Variants in PAH observed in about 807,000 individuals in gnomAD.
PAH encodes the protein phenylalanine-4-hydroxylase.
A neutral mutation model predicts 62.0 loss-of-function variants in PAH; 64 were observed. The ratio of observed to expected loss-of-function variants is 1.03; its 90% CI spans 0.84 to 1.27. The LOEUF is 1.27. Among genes scored for constraint, PAH ranks in the 50% most tolerant of loss-of-function variants. PAH has a pLI of 0.00. For missense variants in PAH, 579 were observed against 542.8 expected (o/e 1.07, Z -0.66); for synonymous variants, 195 against 196.2 (o/e 0.99, Z 0.05).
intron 1 of PAH, among the ~76,000 whole-genome samples, chr12:102,932,243 C>T (rs1262610159): frequency 2.0e-5 from 3 of 152,214 alleles, no homozygotes; most frequent in African/African-American, 7.2e-5. Context: ...TACAGGGCCT[C>T]TGCTCTTCCC....
intron 1 of PAH, among the ~76,000 whole-genome samples, chr12:102,935,941 T>A (rs935136865): frequency 6.6e-6 from 1 of 151,926 alleles, no homozygotes; most frequent in African/African-American, 2.4e-5. Context: ...TTTTGTTTGC[T>A]CTTGTTTTTC....
At chr12:102,854,448 G>A (rs1875316381) in intron 6 of PAH, among the ~76,000 whole-genome samples, 1 of 152,176 alleles carries the variant, frequency 6.6e-6, no homozygotes, top group African/African-American at 2.4e-5. Flanking sequence ...CATTTCACCT[G>A]GATATACTGT....
chr12:102,868,022 ATATACATGTATATACACCTATATATATG>A (rs1876084092), intron 4 of PAH, among the ~76,000 whole-genome samples: 1 of 139,772 alleles, frequency 7.2e-6, no homozygotes, highest in African/African-American at 2.7e-5. Flanking sequence ...ATATATACAT[ATATACATGTATATACACCTATATATATG>A]TATATATATA....
chr12:102,852,700 G>T, intron 7 of PAH, 115 bp downstream of exon 7: 2 of 1,300,922 alleles, frequency 1.5e-6, no homozygotes, highest in Non-Finnish European at 2.2e-6. Context: ...CCAGCAAACA[G>T]TCTAGACAAC....
At chr12:102,928,686 G>T (rs1409608819) in intron 1 of PAH, among the ~76,000 whole-genome samples, 4 of 152,090 alleles carry the variant, frequency 2.6e-5, no homozygotes, top group African/African-American at 9.7e-5. Context: ...AGGCCATGGG[G>T]TGCTCAGTTT....
In PAH at chr12:102,847,039, G is replaced by T; in HGVS notation, c.913-88C>A. 3 of 1,020,256 alleles carry T rather than the reference G, an allele frequency of 2.9e-6. No individual in the cohort carries two copies. The Admixed American group carries it at 5.1e-5, about 17-fold the overall frequency. 63.2% of individuals were successfully genotyped at this position (1,020,256 alleles called of 1,614,324 possible). A position where few individuals can be genotyped will look rare whatever the true frequency, so the allele number is the denominator to read the frequency against. ...GTACTTGGCCATAAAAAGGTGATGG[G>T]TGGCCAGATGCCTTCAGAACAGCCC... On this transcript the variant is annotated intron_variant, in intron 8 of 12. Coordinates refer to ENST00000553106, the MANE Select transcript of PAH (RefSeq NM_000277.3).
intron 4 of PAH, among the ~76,000 whole-genome samples, chr12:102,873,116 G>A (rs1876423047): frequency 6.6e-6 from 1 of 152,218 alleles, no homozygotes; most frequent in Admixed American, 6.5e-5. Context: ...AGGTAAACTG[G>A]AATAGGTAGC....
chr12:102,843,601 C>T, intron 11 of PAH, 45 bp downstream of exon 11: 8 of 1,610,912 alleles, frequency 5.0e-6, no homozygotes, highest in Non-Finnish European at 5.9e-6. Flanking sequence ...TGGCACCAGT[C>T]AGGAGGCCCC....
chr12:102,845,904 A>C (rs993129047), intron 9 of PAH, among the ~76,000 whole-genome samples: 4 of 152,200 alleles, frequency 2.6e-5, no homozygotes, highest in Admixed American at 2.6e-4. Context: ...AGTCATTTTA[A>C]TATTGTTATG....
chr12:102,883,366 T>C (rs1399833913), intron 3 of PAH, among the ~76,000 whole-genome samples: 2 of 152,138 alleles, frequency 1.3e-5, no homozygotes, highest in Non-Finnish European at 2.9e-5. Context: ...CTCAGGGCTG[T>C]GCAGGCTGGC....
intron 8 of PAH, among the ~76,000 whole-genome samples, chr12:102,847,795 C>T (rs1248666259): frequency 6.6e-6 from 1 of 152,136 alleles, no homozygotes; most frequent in African/African-American, 2.4e-5. Flanking sequence ...TGAGCACAGA[C>T]TTGAAGGAAG....
chr12:102,862,501 C>G (rs1209714813), intron 5 of PAH, among the ~76,000 whole-genome samples: 1 of 152,112 alleles, frequency 6.6e-6, no homozygotes, highest in East Asian at 1.9e-4. Flanking sequence ...CCCCATGACA[C>G]AAGTTTACCT....
chr12:102,866,659 A>G lies in PAH; in HGVS notation c.446T>C (p.Phe149Ser). Residue 149 changes from phenylalanine to serine, a missense_variant, in exon 5 of 13, where the codon TTT (phenylalanine) becomes TCT (serine). Physicochemically the swap from Phe to Ser is radical, Grantham distance 155. Coordinates refer to ENST00000553106, the MANE Select transcript of PAH (RefSeq NM_000277.3). ...TCTTGCACGGTACACAGGATCTTTAAAACCCTAGGAGAAAAGAGACACCTG... is the reference window on the plus strand; with the variant it reads ...TCTTGCACGGTACACAGGATCTTTAGAACCCTAGGAGAAAAGAGACACCTG... ...GAELDADHPG[F>S]KDPVYRARRK... 1 of 1,613,382 alleles carries G rather than the reference A, an allele frequency of 6.2e-7. No individual in the cohort carries two copies. The highest frequency in any genetic ancestry group is 8.5e-7 in the Non-Finnish European group (1 of 1,179,374).
At chr12:102,928,832 C>A (rs563356726) in intron 1 of PAH, among the ~76,000 whole-genome samples, 1 of 152,204 alleles carries the variant, frequency 6.6e-6, no homozygotes, top group East Asian at 1.9e-4. Flanking sequence ...ATCCACCCAC[C>A]CAATCTAAAA....
chr12:102,949,450 A>T lies in PAH; in HGVS notation c.-96+1139T>A, dbSNP rs138040243. Reference sequence around the variant, plus strand: ...CGCCTGTATTCTCTATTTAGTCAGAATCAGAGGGGAGGCATCTTACTCAAC... The same window carrying T: ...CGCCTGTATTCTCTATTTAGTCAGATTCAGAGGGGAGGCATCTTACTCAAC... On this transcript the variant is annotated intron_variant, in intron 1 of 3. Transcript: ENST00000546844. 2.0e-5 allele frequency among the ~76,000 whole-genome samples: 3 copies of T among 152,322 alleles called. No homozygotes were observed. In the East Asian group the frequency reaches 5.8e-4, roughly 29 times the overall value.
rs1878285144 is a variant in PAH, at chr12:102,913,707, A to T, written c.61-809T>A. 1.0e-5 allele frequency: 7 copies of T among 669,620 alleles called. No homozygotes were observed. In the South Asian group the frequency reaches 1.1e-4, roughly 11 times the overall value. The allele number at this position is 669,620 out of a possible 1,614,324, so 41.5% of individuals were successfully genotyped here. A position where few individuals can be genotyped will look rare whatever the true frequency, so the allele number is the denominator to read the frequency against. ...CTGAGACATCCAATTGTTGAAAAAGAGTTACAAAATCCATGAAAGTACACA... is the reference window on the plus strand; with the variant it reads ...CTGAGACATCCAATTGTTGAAAAAGTGTTACAAAATCCATGAAAGTACACA... On this transcript the variant is annotated intron_variant, in intron 1 of 12. Coordinates refer to ENST00000553106, the MANE Select transcript of PAH (RefSeq NM_000277.3).
intron 1 of PAH, among the ~76,000 whole-genome samples, chr12:102,931,916 C>CA (rs1244126052): frequency 1.3e-5 from 2 of 152,022 alleles, no homozygotes; most frequent in African/African-American, 2.4e-5. Flanking sequence ...TACTAGACAC[C>CA]AAAAAACCAC....
At chr12:102,839,401 G>A (rs1874492311) in intron 12 of PAH, among the ~76,000 whole-genome samples, 183 bp from the exon 13 acceptor site, 1 of 152,236 alleles carries the variant, frequency 6.6e-6, no homozygotes, top group South Asian at 2.1e-4. Flanking sequence ...GAAAATGCCA[G>A]AGCCATTAAT....
At chr12:102,919,322 A>G (rs1011585684), upstream of PAH, among the ~76,000 whole-genome samples, 1 of 152,214 alleles carries the variant, frequency 6.6e-6, no homozygotes, top group African/African-American at 2.4e-5. Flanking sequence ...TTGTGGGAAC[A>G]TAGTAGATGT....
Sources: allele counts gnomAD v4.1 joint callset (sites outside exome capture counted in the v4.1 genomes callset), GRCh38; gene constraint gnomAD v4.1.1; transcripts MANE v1.5; gene names NCBI Gene and HGNC (gene_info 2026-07-23, HGNC 2026-07-21).